The following NR5A2 variants were observed in gnomAD, a reference collection of about 807,000 sequenced individuals.
NR5A2 encodes nuclear receptor subfamily 5 group A member 2, also known as CYP7A promoter-binding factor.
NR5A2 carries 26 observed loss-of-function variants against 62.7 expected under a neutral mutation model. The observed-to-expected ratio is 0.41, with a 90% confidence interval of 0.30 to 0.58. NR5A2 has a LOEUF of 0.58. NR5A2 is among the 20% of genes least tolerant of loss of function. The pLI is 0.22. For synonymous variants in NR5A2, 246 were observed against 241.7 expected, an observed-to-expected ratio of 1.02 and a Z score of -0.16; for missense variants, 541 against 669.1, an observed-to-expected ratio of 0.81 and a Z score of 2.11.
chr1:200,074,736 C>CAAAAAAAAAAAAAAAAAAAAAA (rs199556915), intron 5 of NR5A2, among the ~76,000 whole-genome samples: 70 of 67,518 alleles, frequency 1.0e-3, no homozygotes, highest in African/African-American at 2.0e-3. Context: ...GAGTCCATCT[C>CAAAAAAAAAAAAAAAAAAAAAA]AAAAAAAAAA....
At chr1:200,121,061 C>T (rs2102310856) in intron 7 of NR5A2, 106 bp downstream of exon 7, 1 of 1,132,016 alleles carries the variant, frequency 8.8e-7, no homozygotes, top group East Asian at 2.4e-5. Context: ...CAATATAATG[C>T]CCTTCCTGTC....
chr1:200,112,826 A>G (rs983806671), intron 6 of NR5A2, among the ~76,000 whole-genome samples: 1 of 152,116 alleles, frequency 6.6e-6, no homozygotes, highest in Admixed American at 6.5e-5. Flanking sequence ...TCCCACCTTC[A>G]CCGAACTAGG....
Position 200,126,575 on chromosome 1 carries a change from GAAGA to G in NR5A2, c.1378+5625_1378+5628del, listed in dbSNP as rs560261676. Reference sequence around the variant, plus strand: ...TAAAAAAAATGCAAGCACAAAATTTGAAGAAAGAGAGACTAGAAAACAGATTCTA... The same window carrying G: ...TAAAAAAAATGCAAGCACAAAATTTGAAGAGAGACTAGAAAACAGATTCTA... On this transcript the variant is annotated intron_variant, in intron 7 of 7. Coordinates refer to ENST00000367362, the MANE Select transcript of NR5A2 (RefSeq NM_205860.3). Among the ~76,000 whole-genome samples the G allele has an allele frequency of 1.3e-3, 192 of 151,950 alleles. 1 individual carries two copies. Among genetic ancestry groups the G allele is most frequent in the African/African-American group, 4.1e-3 (168 of 41,462 alleles).
intron 5 of NR5A2, among the ~76,000 whole-genome samples, chr1:200,094,032 G>A (rs753890399): frequency 2.6e-5 from 4 of 151,992 alleles, no homozygotes; most frequent in Admixed American, 1.3e-4. Flanking sequence ...TGCTGGTTGT[G>A]GTGGCACATG....
intron 5 of NR5A2, among the ~76,000 whole-genome samples, chr1:200,066,235 A>G (rs562398444): frequency 2.6e-5 from 4 of 152,170 alleles, no homozygotes; most frequent in Non-Finnish European, 4.4e-5. Context: ...CCCAGGATAC[A>G]TGTTGAGGTA....
intron 7 of NR5A2, among the ~76,000 whole-genome samples, chr1:200,127,694 AAAAAAAAAAAAAAAAATAT>A (rs1378359330): frequency 1.0e-5 from 1 of 99,982 alleles, no homozygotes; most frequent in Non-Finnish European, 2.1e-5. Flanking sequence ...AAAAAAAAAA[AAAAAAAAAAAAAAAAATAT>A]ATATATATAT....
intron 6 of NR5A2, among the ~76,000 whole-genome samples, chr1:200,119,655 CT>C (rs1666392627): frequency 6.6e-6 from 1 of 152,032 alleles, no homozygotes; most frequent in Non-Finnish European, 1.5e-5. Context: ...GAGACGGAGT[CT>C]GGCTTCTTCC....
intron 5 of NR5A2, among the ~76,000 whole-genome samples, chr1:200,093,368 C>G (rs903099870): frequency 6.6e-6 from 1 of 152,096 alleles, no homozygotes; most frequent in Admixed American, 6.5e-5. Context: ...GAATCCGGCT[C>G]ATAAAACACA....
At chr1:200,106,552 G>A (rs935159115) in intron 5 of NR5A2, among the ~76,000 whole-genome samples, 3 of 152,076 alleles carry the variant, frequency 2.0e-5, no homozygotes, top group African/African-American at 4.8e-5. Flanking sequence ...GATAACACAC[G>A]ATTATATGAG....
At chr1:200,088,336 C>T (rs1178149741) in intron 5 of NR5A2, among the ~76,000 whole-genome samples, 3 of 152,146 alleles carry the variant, frequency 2.0e-5, no homozygotes, top group Non-Finnish European at 4.4e-5. Context: ...TGGCTCACTG[C>T]AACCTCCACC....
At chr1:200,042,914 C>T (rs913203377) in intron 2 of NR5A2, 3 of 985,476 alleles carry the variant, frequency 3.0e-6, no homozygotes, top group Non-Finnish European at 3.6e-6. Context: ...TGAGCCGCGC[C>T]GCGCGTCGTG....
At chr1:200,125,574 G>A (rs747521771) in intron 7 of NR5A2, among the ~76,000 whole-genome samples, 44 of 152,066 alleles carry the variant, frequency 2.9e-4, no homozygotes, top group Non-Finnish European at 5.9e-5. Flanking sequence ...GAGAAGCAAC[G>A]GGCATAATTC....
rs766913377 is a variant in NR5A2, at chr1:200,048,203, G to A, written c.495G>A (p.Arg165=). 1 of 1,612,958 alleles carries A rather than the reference G, an allele frequency of 6.2e-7. No homozygotes were observed. Among genetic ancestry groups the A allele is most frequent in the Non-Finnish European group, 8.5e-7 (1 of 1,179,352 alleles). The change falls in exon 5 of 8, where the codon AGG becomes AGA. Residue 165 remains arginine (R), a synonymous_variant. Coordinates refer to ENST00000367362, the MANE Select transcript of NR5A2 (RefSeq NM_205860.3). The surrounding 1 kb of genome is among the most constrained non-coding windows in gnomAD (Gnocchi z 4.8). The part of the protein sequence containing the change: ...AVRADRMRGG[R]NKFGPMYKRD... ...GGGCCGACCGAATGCGTGGAGGAAG[G>A]AATAAGTTTGGGCCAATGTACAAGA...
intron 7 of NR5A2, among the ~76,000 whole-genome samples, chr1:200,124,716 C>T (rs896482982): frequency 6.6e-6 from 1 of 152,078 alleles, no homozygotes; most frequent in African/African-American, 2.4e-5. Flanking sequence ...GGTGAGAGAA[C>T]TGATTGAGCC....
intron 6 of NR5A2, among the ~76,000 whole-genome samples, chr1:200,117,586 C>T (rs1251766430): frequency 1.3e-5 from 2 of 152,120 alleles, no homozygotes; most frequent in East Asian, 3.8e-4. Flanking sequence ...TATTATTATA[C>T]ACCTGTTAGA....
chr1:200,062,199 G>A (rs1049123528), intron 5 of NR5A2, among the ~76,000 whole-genome samples: 2 of 145,806 alleles, frequency 1.4e-5, no homozygotes, highest in African/African-American at 5.1e-5. Flanking sequence ...ACAAGTTCAG[G>A]GTCCCAAATA....
Position 200,048,454 on chromosome 1 carries a change from T to C in NR5A2, c.746T>C (p.Met249Thr), listed in dbSNP as rs1419909946. The change falls in exon 5 of 8, where the codon ATG (methionine) becomes ACG (threonine). Residue 249 changes from methionine to threonine, a missense_variant. Physicochemically the swap from Met to Thr is moderately conservative, Grantham distance 81. Coordinates refer to ENST00000367362, the MANE Select transcript of NR5A2 (RefSeq NM_205860.3). This position sits in a 1 kb window ranked among gnomAD's most constrained non-coding sequence, Gnocchi z 4.8. ...GTAACATCCCCCATTAGCATGACAA[T>C]GCCCCCTCACGGCAGCCTGCAAGGT... ...PFVTSPISMT[M>T]PPHGSLQGYQ... 6.2e-7 allele frequency: 1 copy of C among 1,614,186 alleles called. No homozygotes were observed. The highest frequency in any genetic ancestry group is 8.5e-7 in the Non-Finnish European group (1 of 1,180,046).
At chr1:200,163,753 T>TA (rs1653765145) in intron 7 of NR5A2, among the ~76,000 whole-genome samples, 1 of 152,198 alleles carries the variant, frequency 6.6e-6, no homozygotes, top group South Asian at 2.1e-4. Flanking sequence ...GTGCTGGGAT[T>TA]ACAAGCGTGA....
At chr1:200,107,966 T>C (rs886895264) in intron 5 of NR5A2, among the ~76,000 whole-genome samples, 7 of 152,052 alleles carry the variant, frequency 4.6e-5, no homozygotes, top group Non-Finnish European at 1.0e-4. Context: ...TATGGCTTAA[T>C]TGTGGCAAGG....
Sources: gnomAD v4.1 joint callset for allele counts (sites outside exome capture counted in the v4.1 genomes callset) on GRCh38, gnomAD v4.1.1 for gene constraint, Gnocchi (gnomAD v3.1) non-coding constraint, MANE v1.5 for transcripts, NCBI Gene and HGNC (gene_info 2026-07-23, HGNC 2026-07-21) for gene names.